CADPS2: variants seen among roughly 807,000 people sequenced by gnomAD.
CADPS2 encodes the protein calcium dependent secretion activator 2.
Under a neutral mutation model 172.5 loss-of-function variants are expected in CADPS2, and 93 were observed. The observed-to-expected ratio is 0.54, with a 90% confidence interval of 0.46 to 0.64. The LOEUF (loss-of-function observed/expected upper bound fraction) is 0.64, where lower values mean the gene tolerates loss of function less well. Among genes scored for constraint, CADPS2 ranks in the 30% least tolerant of loss-of-function variants. The probability of loss-of-function intolerance (pLI) is 0.00; values close to 1 mark genes in which losing one functional copy is unlikely to be tolerated. For missense variants in CADPS2, 1,420 were observed against 1,565.9 expected, an observed-to-expected ratio of 0.91 and a Z score of 1.57; for synonymous variants, 546 against 555.2, an observed-to-expected ratio of 0.98 and a Z score of 0.23.
intron 1 of CADPS2, among the ~76,000 whole-genome samples, chr7:122,884,458 A>G (rs1029241263): frequency 2.0e-5 from 3 of 152,170 alleles, no homozygotes; most frequent in African/African-American, 7.2e-5. Flanking sequence ...AACTGTGCCA[A>G]TTTGTTTGGG....
intron 8 of CADPS2, among the ~76,000 whole-genome samples, chr7:122,543,897 A>C (rs2063352517): frequency 1.3e-5 from 2 of 152,178 alleles, no homozygotes; most frequent in East Asian, 3.8e-4. Context: ...AAACATGTGA[A>C]AAGTATCAAA....
chr7:122,835,183 T>C (rs940051141), intron 1 of CADPS2, among the ~76,000 whole-genome samples: 5 of 152,064 alleles, frequency 3.3e-5, no homozygotes, highest in African/African-American at 1.2e-4. Context: ...GGGTCTGGAG[T>C]AGACCTTCCA....
intron 6 of CADPS2, among the ~76,000 whole-genome samples, chr7:122,585,988 G>A (rs904630735): frequency 1.3e-5 from 2 of 151,896 alleles, no homozygotes; most frequent in African/African-American, 4.8e-5. Context: ...AAACATTCAT[G>A]ACAGCATTAT....
At chr7:122,344,596 G>A (rs953482018) in intron 28 of CADPS2, among the ~76,000 whole-genome samples, 2 of 152,096 alleles carry the variant, frequency 1.3e-5, no homozygotes, top group Admixed American at 6.6e-5. Flanking sequence ...AGATAAAAAT[G>A]TTCAACAGTA....
chr7:122,555,598 CACAA>C (rs762956671), intron 7 of CADPS2, among the ~76,000 whole-genome samples: 82 of 152,024 alleles, frequency 5.4e-4, no homozygotes, highest in Non-Finnish European at 1.1e-3. Context: ...CTAATTTTTT[CACAA>C]ACAAAATAAA....
intron 1 of CADPS2, among the ~76,000 whole-genome samples, chr7:122,805,268 T>C (rs2140049288): frequency 6.6e-6 from 1 of 152,316 alleles, no homozygotes; most frequent in South Asian, 2.1e-4. Flanking sequence ...CAAGTGATTC[T>C]CCTGCCTCAG....
At chr7:122,698,940 T>C in intron 2 of CADPS2, 1 of 1,524,460 alleles carries the variant, frequency 6.6e-7, no homozygotes, top group South Asian at 1.3e-5. Context: ...CCGAGTGACT[T>C]AAGAACCAAC....
intron 2 of CADPS2, chr7:122,676,627 G>C: frequency 2.2e-6 from 3 of 1,376,794 alleles, no homozygotes; most frequent in Non-Finnish European, 3.1e-6. Flanking sequence ...CATGATGACT[G>C]ATCAGCTCAA....
rs2043689739 is a variant in CADPS2, at chr7:122,386,450, C to A, written c.3312+576G>T. The A allele has an allele frequency of 1.0e-5, 5 of 486,616 alleles. No individual in the cohort carries two copies. In the South Asian group the frequency reaches 2.2e-4, roughly 22 times the overall value. The allele number at this position is 486,616 out of a possible 1,614,324, so 30.1% of individuals were successfully genotyped here. A position where few individuals can be genotyped will look rare whatever the true frequency, so the allele number is the denominator to read the frequency against. On this transcript the variant is annotated intron_variant, in intron 24 of 29. Coordinates refer to ENST00000449022, the MANE Select transcript of CADPS2 (RefSeq NM_017954.11). ...AACAGATAATTGAAGAAAAATAAAT[C>A]AATTTTCACCCAATCACCACTCTCA...
chr7:122,501,865 A>G (rs1028607015), intron 9 of CADPS2, among the ~76,000 whole-genome samples: 2 of 129,124 alleles, frequency 1.5e-5, no homozygotes, highest in South Asian at 5.1e-4. Flanking sequence ...ACAAGGCAAG[A>G]CTCCGTCTCA....
intron 1 of CADPS2, among the ~76,000 whole-genome samples, chr7:122,837,135 C>T (rs1254275237): frequency 1.1e-4 from 16 of 152,214 alleles, no homozygotes; most frequent in Middle Eastern, 3.4e-3. Flanking sequence ...CACTCAAAAC[C>T]GCTCAACTAC....
At chr7:122,798,659 T>C (rs1229860490) in intron 1 of CADPS2, among the ~76,000 whole-genome samples, 2 of 152,134 alleles carry the variant, frequency 1.3e-5, no homozygotes, top group Non-Finnish European at 2.9e-5. Context: ...ATTGCCTCCA[T>C]CACAAGCAAT....
At chr7:122,351,322 A>C (rs1332017503) in intron 27 of CADPS2, among the ~76,000 whole-genome samples, 2 of 138,734 alleles carry the variant, frequency 1.4e-5, no homozygotes, top group African/African-American at 5.5e-5. Context: ...GCAGTGAGCC[A>C]AGATTGCGCC....
chr7:122,560,820 G>T (rs2065659994), intron 7 of CADPS2, among the ~76,000 whole-genome samples: 1 of 152,092 alleles, frequency 6.6e-6, no homozygotes, highest in African/African-American at 2.4e-5. Flanking sequence ...ATACCTTCTT[G>T]AGAGTGTAGA....
chr7:122,480,054 C>T (rs370668131), intron 12 of CADPS2: 7 of 468,370 alleles, frequency 1.5e-5, no homozygotes, highest in Non-Finnish European at 3.1e-5. Flanking sequence ...GAACAAAGTA[C>T]AGTTTAACCA....
At chr7:122,741,105 C>T (rs2092451920) in intron 1 of CADPS2, among the ~76,000 whole-genome samples, 1 of 152,062 alleles carries the variant, frequency 6.6e-6, no homozygotes, top group Non-Finnish European at 1.5e-5. Flanking sequence ...ATATAGGAGA[C>T]TAAATTATGC....
rs1185653516 is a variant in CADPS2, at chr7:122,377,033, C to A, written c.3387+2335G>T. On this transcript the variant is annotated intron_variant, in intron 25 of 29. Transcript: ENST00000449022. ...GTAAACTTATTTTATACTTTTCAAC[C>A]AAAGAATTAAAGATAAGTACGATTT... Among the ~76,000 whole-genome samples the A allele has an allele frequency of 3.9e-5, 6 of 151,992 alleles. No individual in the cohort carries two copies. The South Asian group carries it at 6.2e-4, about 16-fold the overall frequency.
rs527495908 is a variant in CADPS2, at chr7:122,868,561, T to A, written c.339+17438A>T. Among the ~76,000 whole-genome samples the A allele has an allele frequency of 2.6e-5, 4 of 152,228 alleles. No homozygotes were observed. The East Asian group carries it at 7.7e-4, about 29-fold the overall frequency. On this transcript the variant is annotated intron_variant, in intron 1 of 29. Transcript: ENST00000449022. ...TTGGACAAACACAAAGAGCTTAGAA[T>A]ATAGAATCCCTGATTGGAAAGAAAG...
intron 6 of CADPS2, among the ~76,000 whole-genome samples, chr7:122,588,287 A>ATGTCCTG (rs1354814734): frequency 6.6e-6 from 1 of 151,490 alleles, no homozygotes; most frequent in Non-Finnish European, 1.5e-5. Context: ...ATCTTTGCCT[A>ATGTCCTG]AATGGTATTG....
Sources: allele counts gnomAD v4.1 joint callset (sites outside exome capture counted in the v4.1 genomes callset), GRCh38; gene constraint gnomAD v4.1.1; transcripts MANE v1.5; gene names NCBI Gene and HGNC (gene_info 2026-07-23, HGNC 2026-07-21).